Variants in SRL observed in about 807,000 individuals in gnomAD.
SRL encodes sarcalumenin.
SRL carries 23 observed loss-of-function variants against 39.5 expected under a neutral mutation model. That is an observed-to-expected ratio of 0.58 (90% confidence interval 0.42 to 0.82). SRL has a LOEUF of 0.82. Ranked by LOEUF, SRL falls within the 40% of genes least tolerant of loss-of-function variation. The probability of loss-of-function intolerance (pLI) is 0.00; values close to 1 mark genes in which losing one functional copy is unlikely to be tolerated. For missense variants in SRL, 592 were observed against 607.8 expected (o/e 0.97, Z 0.27); for synonymous variants, 272 against 237.4 (o/e 1.15, Z -1.34).
intron 1 of SRL, among the ~76,000 whole-genome samples, chr16:4,226,482 G>A (rs1597291777): frequency 6.6e-6 from 1 of 151,668 alleles, no homozygotes; most frequent in Non-Finnish European, 1.5e-5. Flanking sequence ...CGGATGAATG[G>A]GTAGGTGGGT....
chr16:4,206,941 G>T (rs748462630), intron 1 of SRL: 16 of 455,968 alleles, frequency 3.5e-5, no homozygotes, highest in South Asian at 2.5e-4. Context: ...CTGGCTTCCT[G>T]GGGATCCCCA....
chr16:4,233,191 T>C (rs1370191331), intron 1 of SRL, among the ~76,000 whole-genome samples: 1 of 152,206 alleles, frequency 6.6e-6, no homozygotes, highest in Admixed American at 6.5e-5. Flanking sequence ...CTCATCAGGG[T>C]GGCCTAATCT....
chr16:4,204,070 G>A (rs2141032638), intron 2 of SRL, among the ~76,000 whole-genome samples: 1 of 152,328 alleles, frequency 6.6e-6, no homozygotes, highest in African/African-American at 2.4e-5. Flanking sequence ...TCTAGCCGTG[G>A]GCCAGGAGCA....
chr16:4,226,486 G>A (rs1225917461), intron 1 of SRL, among the ~76,000 whole-genome samples: 1 of 151,724 alleles, frequency 6.6e-6, no homozygotes, highest in Non-Finnish European at 1.5e-5. Context: ...TGAATGGGTA[G>A]GTGGGTGGGT....
intron 1 of SRL, among the ~76,000 whole-genome samples, chr16:4,210,055 T>C (rs1358629484): frequency 6.6e-6 from 1 of 152,224 alleles, no homozygotes; most frequent in East Asian, 1.9e-4. Flanking sequence ...TTTAATTCTG[T>C]GTTCCCAGGG....
rs2052044075 is a variant in SRL at position 4,190,165 on chromosome 16, C to CA, written c.*1987dup. Reference sequence around the variant, plus strand: ...TCCAGGCCCTCCACAAAGCCAAACGCAACGGCCCCTGTGACAGCATGCACC... The same window carrying CA: ...TCCAGGCCCTCCACAAAGCCAAACGCAAACGGCCCCTGTGACAGCATGCACC... On this transcript the variant is annotated 3_prime_UTR_variant, in exon 6 of 6. Coordinates refer to ENST00000399609, the MANE Select transcript of SRL (RefSeq NM_001098814.2). 2.5e-6 allele frequency: 1 copy of CA among 397,784 alleles called. No individual in the cohort carries two copies. The highest frequency in any genetic ancestry group is 4.4e-5 in the Admixed American group (1 of 22,710). 24.6% of individuals were successfully genotyped at this position (397,784 alleles called of 1,614,324 possible).
chr16:4,231,730 G>A (rs1014774784), intron 1 of SRL, among the ~76,000 whole-genome samples: 12 of 152,170 alleles, frequency 7.9e-5, no homozygotes, highest in African/African-American at 2.2e-4. Context: ...CAGGGGAGGC[G>A]TGTTGATGGA....
chr16:4,212,364 AC>A (rs2141044761), intron 1 of SRL, among the ~76,000 whole-genome samples: 1 of 152,200 alleles, frequency 6.6e-6, no homozygotes, highest in Admixed American at 6.5e-5. Flanking sequence ...GTGCCACTGG[AC>A]CCAGTTCTCC....
At chr16:4,194,177 T>C (rs1264652865) in intron 5 of SRL, among the ~76,000 whole-genome samples, 1 of 152,188 alleles carries the variant, frequency 6.6e-6, no homozygotes, top group African/African-American at 2.4e-5. Context: ...TGGATCTGGC[T>C]TCTAGTCTTG....
chr16:4,224,938 C>T (rs1241396884), intron 1 of SRL, among the ~76,000 whole-genome samples: 1 of 152,178 alleles, frequency 6.6e-6, no homozygotes, highest in Non-Finnish European at 1.5e-5. Flanking sequence ...CTTCCACCTG[C>T]TACAACACGG....
intron 1 of SRL, among the ~76,000 whole-genome samples, chr16:4,217,570 C>T (rs1006412986): frequency 2.0e-5 from 3 of 152,056 alleles, no homozygotes; most frequent in East Asian, 1.9e-4. Flanking sequence ...TTACCACTGG[C>T]GCCCCCACCC....
chr16:4,225,647 C>T (rs1402004190), intron 1 of SRL, among the ~76,000 whole-genome samples: 1 of 151,952 alleles, frequency 6.6e-6, no homozygotes, highest in Non-Finnish European at 1.5e-5. Flanking sequence ...TAAAATATAC[C>T]CTCAATCCAA....
intron 1 of SRL, among the ~76,000 whole-genome samples, chr16:4,219,436 T>C (rs2052496461): frequency 6.6e-6 from 1 of 152,122 alleles, no homozygotes; most frequent in African/African-American, 2.4e-5. Context: ...GCAGCCACAG[T>C]AGTGTCAGGC....
At chr16:4,220,545 G>T (rs111423725) in intron 1 of SRL, among the ~76,000 whole-genome samples, 55 of 152,260 alleles carry the variant, frequency 3.6e-4, no homozygotes, top group African/African-American at 1.3e-3. Flanking sequence ...GACACATGGG[G>T]ATGCACTTTC....
At chr16:4,193,840 A>T (rs1321166327) in intron 5 of SRL, among the ~76,000 whole-genome samples, 2 of 151,506 alleles carry the variant, frequency 1.3e-5, no homozygotes, top group East Asian at 3.9e-4. Flanking sequence ...AAATTATCCA[A>T]CGTGTAGTAG....
At chr16:4,228,499 G>C (rs1005160094) in intron 1 of SRL, among the ~76,000 whole-genome samples, 1 of 152,028 alleles carries the variant, frequency 6.6e-6, no homozygotes, top group Non-Finnish European at 1.5e-5. Context: ...ACTTTGGGAG[G>C]CCGAGGCGGG....
At chr16:4,209,806 G>A (rs2052370736) in intron 1 of SRL, among the ~76,000 whole-genome samples, 1 of 152,194 alleles carries the variant, frequency 6.6e-6, no homozygotes, top group Non-Finnish European at 1.5e-5. Flanking sequence ...AGAGATTTCA[G>A]AGCTGAATAA....
At position 4,190,313 on chromosome 16, in the gene SRL, C is replaced by G; in HGVS notation, c.*1840G>C. 1 of 399,224 alleles carries G rather than the reference C, an allele frequency of 2.5e-6. No homozygotes were observed. The allele number at this position is 399,224 out of a possible 1,614,324, so 24.7% of individuals were successfully genotyped here. A position where few individuals can be genotyped will look rare whatever the true frequency, so the allele number is the denominator to read the frequency against. On this transcript the variant is annotated 3_prime_UTR_variant, in exon 6 of 6. Transcript: ENST00000399609. ...AGTGCCTCTCCCTCTGCCTGCCTTT[C>G]CACTGTCCTGGGTCCAGGATGACTT... is the stretch of plus-strand genomic sequence containing the variant.
At chr16:4,208,801 T>A (rs11639545) in intron 1 of SRL, among the ~76,000 whole-genome samples, 33,969 of 151,934 alleles carry the variant, frequency 0.22, 3,824 homozygotes, top group Admixed American at 0.26. Flanking sequence ...GGAGGAGATA[T>A]CTAAAACAGG....
Sources: allele counts gnomAD v4.1 joint callset (sites outside exome capture counted in the v4.1 genomes callset), GRCh38; gene constraint gnomAD v4.1.1; transcripts MANE v1.5; gene names NCBI Gene and HGNC (gene_info 2026-07-23, HGNC 2026-07-21).